ATP2B2: variants seen among roughly 807,000 people sequenced by gnomAD.
ATP2B2 encodes plasma membrane calcium-transporting ATPase 2.
A neutral mutation model predicts 120.0 loss-of-function variants in ATP2B2; 15 were observed. The observed-to-expected ratio is 0.12, with a 90% CI of 0.08 to 0.19. The LOEUF (loss-of-function observed/expected upper bound fraction) is 0.19. Ranked by LOEUF, ATP2B2 falls within the 10% of genes least tolerant of loss-of-function variation. The pLI, the probability that ATP2B2 is intolerant of heterozygous loss-of-function variation, is 1.00. For synonymous variants in ATP2B2, 694 were observed against 700.3 expected, an observed-to-expected ratio of 0.99 and a Z score of 0.14; for missense variants, 1,045 against 1,719.8, an observed-to-expected ratio of 0.61 and a Z score of 6.94.
chr3:10,368,462 C>T (rs899714249), intron 12 of ATP2B2, among the ~76,000 whole-genome samples: 1 of 152,082 alleles, frequency 6.6e-6, no homozygotes, highest in Non-Finnish European at 1.5e-5. Context: ...TCCATCCATT[C>T]GTCCATTCAT....
At chr3:10,546,098 G>A (rs751331144) in intron 2 of ATP2B2, among the ~76,000 whole-genome samples, 2 of 152,148 alleles carry the variant, frequency 1.3e-5, no homozygotes, top group African/African-American at 2.4e-5. Flanking sequence ...TATAGTAAAC[G>A]TGCATGGAAG....
At chr3:10,444,220 C>T (rs1392032661) in intron 2 of ATP2B2, among the ~76,000 whole-genome samples, 1 of 152,220 alleles carries the variant, frequency 6.6e-6, no homozygotes, top group Non-Finnish European at 1.5e-5. Context: ...GGGGAGCCCC[C>T]ACGCATGACC....
rs753066227 is a variant in ATP2B2 at position 10,347,895 on chromosome 3, C to T, written c.2405-1758G>A. ...CTATGGTCACATTTCTGTTCTGTCC[C>T]CGCAGACCTCTCAGCAACTATTTCC... On this transcript the variant is annotated intron_variant, in intron 16 of 22. Transcript: ENST00000360273. The surrounding 1 kb of genome is among the most constrained non-coding windows in gnomAD (Gnocchi z 5.2). Among the ~76,000 whole-genome samples, 2 of 152,180 alleles carry T rather than the reference C, an allele frequency of 1.3e-5. No individual in the cohort carries two copies. Among genetic ancestry groups the T allele is most frequent in the Non-Finnish European group, 2.9e-5 (2 of 68,030 alleles).
At chr3:10,687,983 C>A (rs2125710386) in intron 1 of ATP2B2, among the ~76,000 whole-genome samples, 1 of 152,280 alleles carries the variant, frequency 6.6e-6, no homozygotes, top group Admixed American at 6.5e-5. Context: ...TCCTATGGGA[C>A]AAGCACTGGT....
intron 3 of ATP2B2, among the ~76,000 whole-genome samples, chr3:10,512,336 A>G (rs1391925989): frequency 6.6e-6 from 1 of 152,108 alleles, no homozygotes; most frequent in East Asian, 1.9e-4. Flanking sequence ...GAATATGACC[A>G]GTAAGAAGTT....
At chr3:10,423,746 G>A (rs1475456464) in intron 2 of ATP2B2, among the ~76,000 whole-genome samples, 1 of 152,194 alleles carries the variant, frequency 6.6e-6, no homozygotes, top group African/African-American at 2.4e-5. Flanking sequence ...AGAGGCAGTG[G>A]ATGCAGAGTT....
intron 1 of ATP2B2, among the ~76,000 whole-genome samples, chr3:10,636,038 C>A (rs572831682): frequency 6.6e-6 from 1 of 152,224 alleles, no homozygotes; most frequent in Non-Finnish European, 1.5e-5. Flanking sequence ...AGACCTCTTA[C>A]ACTTAAACTT....
intron 1 of ATP2B2, among the ~76,000 whole-genome samples, chr3:10,630,151 TC>T (rs79961160): frequency 1.5e-5 from 1 of 68,124 alleles, no homozygotes; most frequent in East Asian, 4.1e-4. Flanking sequence ...TAACACAATT[TC>T]ATTTTAAAAT....
At chr3:10,414,163 A>G (rs1381529774) in intron 2 of ATP2B2, among the ~76,000 whole-genome samples, 1 of 152,224 alleles carries the variant, frequency 6.6e-6, no homozygotes, top group African/African-American at 2.4e-5. Flanking sequence ...AAGAAAAAGT[A>G]GGTGAGGCCA....
In ATP2B2 at chr3:10,375,755, C is replaced by A. The variant is rs908897639; in HGVS notation, c.1202-111G>T. On this transcript the variant is annotated intron_variant, in intron 10 of 22. Coordinates refer to ENST00000360273, the MANE Select transcript of ATP2B2 (RefSeq NM_001001331.4). The surrounding 1 kb of genome is among the most constrained non-coding windows in gnomAD (Gnocchi z 4.2). The stretch of plus-strand genomic sequence containing the variant: ...CCGGGTCAGGCTGACCCCAGCTCAC[C>A]TCCCAGCTCTGCCACTCCTTGCTTT... 3.3e-6 allele frequency: 3 copies of A among 919,642 alleles called. No individual in the cohort carries two copies. Among genetic ancestry groups the A allele is most frequent in the Non-Finnish European group, 5.2e-6 (3 of 576,300 alleles). The allele number at this position is 919,642 out of a possible 1,614,324, so 57.0% of individuals were successfully genotyped here. A position where few individuals can be genotyped will look rare whatever the true frequency, so the allele number is the denominator to read the frequency against.
In ATP2B2 at chr3:10,573,334, T is replaced by C. The variant is rs182441235; in HGVS notation, c.-414-39201A>G. On this transcript the variant is annotated intron_variant, in intron 2 of 21. Transcript: ENST00000646379. ...TTTGCTGCTGAATTTCGAAGAGCTG[T>C]TGCTATTTTGAAGTTAGTGATAAGT... Among the ~76,000 whole-genome samples, 189 of 152,312 alleles carry C rather than the reference T, an allele frequency of 1.2e-3. 1 individual carries two copies. The highest frequency in any genetic ancestry group is 4.3e-3 in the African/African-American group (180 of 41,568).
chr3:10,597,721 C>T (rs543583437), intron 2 of ATP2B2, among the ~76,000 whole-genome samples: 2 of 152,320 alleles, frequency 1.3e-5, no homozygotes, highest in Admixed American at 1.3e-4. Flanking sequence ...AGCTCTGTGC[C>T]TCAGTTTCCA....
chr3:10,342,853 G>A lies in ATP2B2; in HGVS notation c.2816C>T (p.Pro939Leu), dbSNP rs1559534482. 4 of 1,613,982 alleles carry A rather than the reference G, an allele frequency of 2.5e-6. No homozygotes were observed. Among genetic ancestry groups the A allele is most frequent in the Non-Finnish European group, 2.5e-6 (3 of 1,180,016 alleles). Reference protein sequence around the residue: ...PPTETLLLRKPYGRNKPLISR... With the variant: ...PPTETLLLRKLYGRNKPLISR... ...GATGAGCGGCTTGTTGCGGCCGTAC[G>A]GCTTCCTCAGCAGCAGGGTCTCCGT... Residue 939 changes from proline (P) to leucine (L), a missense_variant, in exon 19 of 23, where the codon CCG becomes CTG. Physicochemically the swap from Pro to Leu is moderately conservative, Grantham distance 98 (BLOSUM62 -3). Transcript: ENST00000360273. The surrounding 1 kb of genome is among the most constrained non-coding windows in gnomAD (Gnocchi z 4.4).
At chr3:10,415,015 G>A (rs948509510) in intron 2 of ATP2B2, among the ~76,000 whole-genome samples, 1 of 152,074 alleles carries the variant, frequency 6.6e-6, no homozygotes, top group African/African-American at 2.4e-5. Flanking sequence ...TGGTCATGAC[G>A]TCTCGCTCAC....
chr3:10,489,098 C>T (rs2065840311), intron 1 of ATP2B2, among the ~76,000 whole-genome samples: 2 of 152,222 alleles, frequency 1.3e-5, no homozygotes, highest in African/African-American at 2.4e-5. Context: ...TTTGCACTGG[C>T]CATTCCTTAG....
At chr3:10,526,592 G>C (rs1305816974) in intron 3 of ATP2B2, among the ~76,000 whole-genome samples, 1 of 152,174 alleles carries the variant, frequency 6.6e-6, no homozygotes, top group African/African-American at 2.4e-5. Flanking sequence ...GGGGATGCCA[G>C]ATTCCCCTGT....
At chr3:10,380,343 C>A (rs1319573155) in intron 8 of ATP2B2, among the ~76,000 whole-genome samples, 1 of 152,232 alleles carries the variant, frequency 6.6e-6, no homozygotes, top group Non-Finnish European at 1.5e-5. Flanking sequence ...TGCCAACAGG[C>A]CTCGCCCCCT....
chr3:10,614,262 A>G (rs887937870), intron 2 of ATP2B2, among the ~76,000 whole-genome samples: 9 of 152,152 alleles, frequency 5.9e-5, no homozygotes, highest in Non-Finnish European at 1.0e-4. Flanking sequence ...TATTTGCTGA[A>G]TGAATGAATA....
chr3:10,626,916 ACT>A lies in ATP2B2; in HGVS notation c.-459-6957_-459-6956del, dbSNP rs1447798504. On this transcript the variant is annotated intron_variant, in intron 1 of 21. Coordinates refer to the ATP2B2 transcript ENST00000646379. The stretch of plus-strand genomic sequence containing the variant: ...CACACACACACACACACACACACAC[ACT>A]TTTCATTTACCAATGAGACACTGAG... 2.7e-3 allele frequency: 350 copies of A among 131,622 alleles called. 3 individuals are homozygous for A. Among genetic ancestry groups the A allele is most frequent in the African/African-American group, 9.4e-3 (319 of 34,046 alleles). The allele number at this position is 131,622 out of a possible 1,614,324, so 8.2% of individuals were successfully genotyped here. A position where few individuals can be genotyped will look rare whatever the true frequency, so the allele number is the denominator to read the frequency against.
Sources: allele counts gnomAD v4.1 joint callset (sites outside exome capture counted in the v4.1 genomes callset), GRCh38; gene constraint gnomAD v4.1.1; non-coding constraint Gnocchi (gnomAD v3.1); transcripts MANE v1.5; gene names NCBI Gene and HGNC (gene_info 2026-07-23, HGNC 2026-07-21).